Variants in MARCHF5 observed in about 807,000 individuals in gnomAD.
MARCHF5 encodes membrane associated ring-CH-type finger 5.
MARCHF5 carries 5 observed loss-of-function variants against 36.5 expected under a neutral mutation model. That is an observed-to-expected ratio of 0.14 (90% CI 0.07 to 0.29). The LOEUF (loss-of-function observed/expected upper bound fraction) is 0.29. Ranked by LOEUF, MARCHF5 falls within the 10% of genes least tolerant of loss-of-function variation. The pLI is 1.00. For missense variants in MARCHF5, 179 were observed against 336.3 expected (o/e 0.53, Z 3.66); for synonymous variants, 103 against 109.9 (o/e 0.94, Z 0.39).
At chr10:92,342,499 G>A (rs551007297) in intron 3 of MARCHF5, among the ~76,000 whole-genome samples, 1 of 152,260 alleles carries the variant, frequency 6.6e-6, no homozygotes, top group Admixed American at 6.5e-5. Context: ...AATACAAGCA[G>A]TTTTTCCACT....
chr10:92,321,230 G>A (rs1224472562), intron 2 of MARCHF5, among the ~76,000 whole-genome samples: 1 of 152,078 alleles, frequency 6.6e-6, no homozygotes, highest in Non-Finnish European at 1.5e-5. Context: ...AGTAACACGT[G>A]AGTGTATGTT....
intron 1 of MARCHF5, among the ~76,000 whole-genome samples, chr10:92,300,516 A>G (rs561342343): frequency 6.6e-6 from 1 of 151,898 alleles, no homozygotes; most frequent in African/African-American, 2.4e-5. Flanking sequence ...AAAAGAGATC[A>G]TATTCTTTAG....
chr10:92,308,060 C>T (rs962802883), intron 1 of MARCHF5, among the ~76,000 whole-genome samples: 1 of 151,802 alleles, frequency 6.6e-6, no homozygotes, highest in South Asian at 2.1e-4. Flanking sequence ...CCTGCCTCAG[C>T]CTCCCGAGTA....
At chr10:92,311,078 A>C in intron 1 of MARCHF5, 57 bp from the exon 2 acceptor site, 1 of 1,301,184 alleles carries the variant, frequency 7.7e-7, no homozygotes, top group Admixed American at 1.7e-5. Flanking sequence ...GCTGCAGTAT[A>C]GAGGAGGCTG....
At chr10:92,311,490 T>C (rs1230516231) in intron 2 of MARCHF5, among the ~76,000 whole-genome samples, 153 bp downstream of exon 2, 2 of 152,214 alleles carry the variant, frequency 1.3e-5, no homozygotes, top group Non-Finnish European at 2.9e-5. Context: ...GACATTTATT[T>C]CTTTTGCTAA....
At chr10:92,330,844 A>G (rs905786892) in intron 2 of MARCHF5, among the ~76,000 whole-genome samples, 5 of 152,198 alleles carry the variant, frequency 3.3e-5, no homozygotes, top group Admixed American at 6.5e-5. Flanking sequence ...AGGCCCAGAG[A>G]TGGCACTTTG....
intron 2 of MARCHF5, among the ~76,000 whole-genome samples, chr10:92,339,354 A>G (rs1420645687): frequency 6.6e-6 from 1 of 151,896 alleles, no homozygotes; most frequent in East Asian, 1.9e-4. Flanking sequence ...TGGGTGACAC[A>G]GTGAGACTCT....
chr10:92,331,200 G>T (rs1843432035), intron 2 of MARCHF5, among the ~76,000 whole-genome samples: 1 of 152,164 alleles, frequency 6.6e-6, no homozygotes, highest in South Asian at 2.1e-4. Context: ...AATAAAGGAT[G>T]ATTGGTGGTG....
chr10:92,332,205 C>T (rs1489710647), intron 2 of MARCHF5, among the ~76,000 whole-genome samples: 1 of 151,778 alleles, frequency 6.6e-6, no homozygotes, highest in Non-Finnish European at 1.5e-5. Context: ...ACCATTTCTA[C>T]AATAAAATAT....
At chr10:92,325,637 C>A (rs1843347841) in intron 2 of MARCHF5, among the ~76,000 whole-genome samples, 1 of 151,952 alleles carries the variant, frequency 6.6e-6, no homozygotes, top group African/African-American at 2.4e-5. Flanking sequence ...AGAGTAAATT[C>A]TTAGTTTTCA....
chr10:92,349,535 A>G lies in MARCHF5; in HGVS notation c.553+3A>G. ...AATTTTAAATAGTATATTTCCAGGT[A>G]AGGCACTGAACTGTGGTTGTAAAGT... On this transcript the variant is annotated splice_donor_region_variant and intron_variant, in intron 4 of 5. Coordinates refer to ENST00000358935, the MANE Select transcript of MARCHF5 (RefSeq NM_017824.5). 6.2e-7 allele frequency: 1 copy of G among 1,612,252 alleles called. No individual in the cohort carries two copies. The highest frequency in any genetic ancestry group is 8.5e-7 in the Non-Finnish European group (1 of 1,179,110).
chr10:92,321,270 A>G (rs1008761783), intron 2 of MARCHF5, among the ~76,000 whole-genome samples: 5 of 152,090 alleles, frequency 3.3e-5, no homozygotes, highest in African/African-American at 1.2e-4. Context: ...GGCCTTTATC[A>G]GGTTGAGGAT....
At chr10:92,342,457 A>G (rs1321648695) in intron 3 of MARCHF5, among the ~76,000 whole-genome samples, 1 of 152,050 alleles carries the variant, frequency 6.6e-6, no homozygotes, top group Non-Finnish European at 1.5e-5. Context: ...TAGTCTTTCT[A>G]TTTTATAGCC....
At chr10:92,346,793 T>G (rs1205642297) in intron 3 of MARCHF5, among the ~76,000 whole-genome samples, 1 of 152,092 alleles carries the variant, frequency 6.6e-6, no homozygotes, top group African/African-American at 2.4e-5. Flanking sequence ...CCTACTTCCT[T>G]TTTGTTTCCT....
Position 92,328,304 on chromosome 10 carries a change from T to C in MARCHF5, c.239-12369T>C, listed in dbSNP as rs149107478. Among the ~76,000 whole-genome samples the C allele has an allele frequency of 4.5e-3, 677 of 151,692 alleles. 24 individuals are homozygous for C. The highest frequency in any genetic ancestry group is 0.04 in the Admixed American group (610 of 15,256). Reference sequence around the variant, plus strand: ...TATGACCTTGATTATTTGGCTGTTGTAGTGTTTGCCACATTTCTCCACTGT... The same window carrying C: ...TATGACCTTGATTATTTGGCTGTTGCAGTGTTTGCCACATTTCTCCACTGT... On this transcript the variant is annotated intron_variant, in intron 2 of 5. Transcript: ENST00000358935.
chr10:92,302,538 G>A (rs1281479905), intron 1 of MARCHF5, among the ~76,000 whole-genome samples: 1 of 150,546 alleles, frequency 6.6e-6, no homozygotes, highest in South Asian at 2.1e-4. Context: ...TCCGCCTCCC[G>A]AGTTCAAGCG....
At chr10:92,318,265 A>G (rs1188855844) in intron 2 of MARCHF5, among the ~76,000 whole-genome samples, 2 of 151,610 alleles carry the variant, frequency 1.3e-5, no homozygotes, top group Non-Finnish European at 2.9e-5. Flanking sequence ...CATCTCTACT[A>G]AAAATACAAA....
chr10:92,351,650 TAAG>T lies in MARCHF5; in HGVS notation c.*445_*447del, dbSNP rs1843715378. On this transcript the variant is annotated 3_prime_UTR_variant, in exon 6 of 6. Transcript: ENST00000358935. ...TGACATAATTTGATTACATACTAAA[TAAG>T]AGGATATGTTAATATGAGGAAATGT... is the stretch of plus-strand genomic sequence containing the variant. The T allele has an allele frequency of 6.5e-6, 1 of 152,812 alleles. No individual in the cohort carries two copies. Among genetic ancestry groups the T allele is most frequent in the Non-Finnish European group, 1.5e-5 (1 of 68,180 alleles). The allele number at this position is 152,812 out of a possible 1,614,324, so 9.5% of individuals were successfully genotyped here.
chr10:92,293,583 C>T (rs1402835902), intron 1 of MARCHF5, among the ~76,000 whole-genome samples: 3 of 150,020 alleles, frequency 2.0e-5, no homozygotes, highest in Admixed American at 6.6e-5. Flanking sequence ...CCAGCCTAGC[C>T]AACATGGTGA....
Sources: gnomAD v4.1 joint callset for allele counts (sites outside exome capture counted in the v4.1 genomes callset) on GRCh38, gnomAD v4.1.1 for gene constraint, MANE v1.5 for transcripts, NCBI Gene and HGNC (gene_info 2026-07-23, HGNC 2026-07-21) for gene names.